Variants in SCNN1A observed in about 807,000 individuals in gnomAD.
The protein encoded by SCNN1A is sodium channel epithelial 1 subunit alpha.
SCNN1A carries 65 observed loss-of-function variants against 68.6 expected under a neutral mutation model. The observed-to-expected ratio is 0.95, with a 90% CI of 0.78 to 1.16. SCNN1A has a LOEUF of 1.16. SCNN1A is among the 50% of genes most tolerant of loss of function. The pLI, the probability that SCNN1A is intolerant of heterozygous loss-of-function variation, is 0.00. For synonymous variants in SCNN1A, 357 were observed against 353.3 expected (o/e 1.01, Z -0.12); for missense variants, 880 against 865.9 (o/e 1.02, Z -0.20).
In SCNN1A at chr12:6,363,686, C is replaced by A; in HGVS notation, c.441G>T (p.Leu147=). ...PYRYPEIKEE[L]EELDRITEQT... ...GCTCTGTGATGCGGTCCAGCTCCTC[C>A]AGCTCCTCTTTAATTTCCGGGTACC... Residue 147 remains leucine (L), a synonymous_variant, in exon 3 of 13, where the codon CTG becomes CTT. Coordinates refer to ENST00000228916, the MANE Select transcript of SCNN1A (RefSeq NM_001038.6). 3.1e-6 allele frequency: 5 copies of A among 1,601,550 alleles called. No homozygotes were observed. The highest frequency in any genetic ancestry group is 4.3e-6 in the Non-Finnish European group (5 of 1,173,130).
rs1054838501 is a variant in SCNN1A at position 6,347,453 on chromosome 12, C to T, written c.*420G>A. ...TGGAGAGCAGTGTGGCCAGGCCAGT[C>T]GGGGGCTGGCTTAAGCCGTCGCTGG... On this transcript the variant is annotated 3_prime_UTR_variant, in exon 13 of 13. Coordinates refer to ENST00000228916, the MANE Select transcript of SCNN1A (RefSeq NM_001038.6). 6.0e-5 allele frequency: 13 copies of T among 215,136 alleles called. No homozygotes were observed. Among genetic ancestry groups the T allele is most frequent in the Non-Finnish European group, 1.1e-4 (11 of 104,622 alleles). The allele number at this position is 215,136 out of a possible 1,614,324, so 13.3% of individuals were successfully genotyped here.
intron 6 of SCNN1A, 55 bp from the exon 7 acceptor site, chr12:6,354,903 C>G: frequency 7.1e-7 from 1 of 1,410,250 alleles, no homozygotes; most frequent in East Asian, 2.3e-5. Flanking sequence ...CCTCTGGGTT[C>G]TCTGCCTTCC....
At position 6,354,458 on chromosome 12, in the gene SCNN1A, T is replaced by TA. The variant is rs754323537; in HGVS notation, c.1339dup (p.Tyr447LeufsTer13). 7.4e-6 allele frequency: 12 copies of TA among 1,611,822 alleles called. No homozygotes were observed. In the South Asian group the frequency reaches 1.3e-4, roughly 18 times the overall value. On this transcript the variant is annotated frameshift_variant, in exon 8 of 13. Coordinates refer to ENST00000228916, the MANE Select transcript of SCNN1A (RefSeq NM_001038.6). LOFTEE classifies it high-confidence loss of function. ...CTCACCCCAGGAACTGTGCTTTCTGTAGTCACAGTACTCCACGTTCTGGGG... is the reference window on the plus strand; with the variant it reads ...CTCACCCCAGGAACTGTGCTTTCTGTAAGTCACAGTACTCCACGTTCTGGGG...
At chr12:6,375,729 A>C, upstream of SCNN1A, 1 of 1,423,012 alleles carries the variant, frequency 7.0e-7, no homozygotes, top group Non-Finnish European at 9.2e-7. Flanking sequence ...CTTTAGACGC[A>C]GACAGGCAAG....
Position 6,374,748 on chromosome 12 carries a change from G to A in SCNN1A, c.36C>T (p.Ser12=). 6.2e-7 allele frequency: 1 copy of A among 1,614,116 alleles called. No homozygotes were observed. Among genetic ancestry groups the A allele is most frequent in the South Asian group, 1.1e-5 (1 of 91,080 alleles). The stretch of plus-strand genomic sequence containing the variant: ...TGAGCCCTGGAGTGGACTGTGGAGG[G>A]CTAGAGTCCTGCTCCTCCAGCTTGT... ...EGNKLEEQDS[S]PPQSTPGLMK... is the part of the protein sequence containing the mutation. The change falls in exon 2 of 13, where the codon AGC becomes AGT. Residue 12 remains serine (S), a synonymous_variant. Transcript: ENST00000228916. This position sits in a 1 kb window ranked among gnomAD's most constrained non-coding sequence, Gnocchi z 6.2.
At position 6,363,604 on chromosome 12, in the gene SCNN1A, G is replaced by T; in HGVS notation, c.523C>A (p.Arg175Ser). The T allele has an allele frequency of 6.2e-7, 1 of 1,612,678 alleles. No homozygotes were observed. The highest frequency in any genetic ancestry group is 8.5e-7 in the Non-Finnish European group (1 of 1,179,400). ...GTCCCCCGCAGGTCGCGACGGCTGC[G>T]GGAGCCGGCCACGAGAGTGGTGAAG... is the stretch of plus-strand genomic sequence containing the variant. Reference protein sequence around the residue: ...SSFTTLVAGSRSRRDLRGTLP... With the variant: ...SSFTTLVAGSSSRRDLRGTLP... Residue 175 changes from arginine (R) to serine (S), a missense_variant, in exon 3 of 13, where the codon CGC becomes AGC. By Grantham distance (110) the Arg-to-Ser change is moderately radical (BLOSUM62 -1). This residue lies in a region of SCNN1A where 758 missense variants were observed against 721.8 expected (regional missense o/e 1.05). Coordinates refer to ENST00000228916, the MANE Select transcript of SCNN1A (RefSeq NM_001038.6).
chr12:6,354,995 T>G, intron 6 of SCNN1A, 147 bp from the exon 7 acceptor site: 1 of 785,008 alleles, frequency 1.3e-6, no homozygotes, highest in Non-Finnish European at 2.2e-6. Context: ...GCCACCCCCA[T>G]GCCCACCCAC....
At position 6,351,556 on chromosome 12, in the gene SCNN1A, G is replaced by A. The variant is rs1948386916; in HGVS notation, c.1361-2151C>T. Among the ~76,000 whole-genome samples, 3 of 151,800 alleles carry A rather than the reference G, an allele frequency of 2.0e-5. No homozygotes were observed. The highest frequency in any genetic ancestry group is 2.0e-4 in the Admixed American group (3 of 15,236). ...ACAGGAGAATTGCTTGAACCTGAGA[G>A]GCAGAGGTAGCAGTGAGCCAAGATC... On this transcript the variant is annotated intron_variant, in intron 8 of 12. Coordinates refer to ENST00000228916, the MANE Select transcript of SCNN1A (RefSeq NM_001038.6). The surrounding 1 kb of genome is among the most constrained non-coding windows in gnomAD (Gnocchi z 4.2).
Position 6,363,453 on chromosome 12 carries a change from C to T in SCNN1A, c.674G>A (p.Gly225Asp). ...CGCTGCGGGCCTCACCAGCTGGAAGCCGATCTTCCAGTCCTTCCAGTCCAC... is the reference window on the plus strand; with the variant it reads ...CGCTGCGGGCCTCACCAGCTGGAAGTCGATCTTCCAGTCCTTCCAGTCCAC... ...PQVDWKDWKI[G>D]FQLCNQNKSD... Residue 225 changes from glycine to aspartate, a missense_variant, in exon 3 of 13, where the codon GGC becomes GAC. Transcript: ENST00000228916. 6.3e-7 allele frequency: 1 copy of T among 1,589,992 alleles called. No homozygotes were observed. The highest frequency in any genetic ancestry group is 8.5e-7 in the Non-Finnish European group (1 of 1,170,134).
chr12:6,376,857 G>A (rs1948921919), upstream of SCNN1A, among the ~76,000 whole-genome samples: 1 of 152,202 alleles, frequency 6.6e-6, no homozygotes, highest in Admixed American at 6.5e-5. Flanking sequence ...AGCAGACAAA[G>A]GCCCAGCCTG....
intron 2 of SCNN1A, among the ~76,000 whole-genome samples, chr12:6,369,401 C>A (rs1948745476): frequency 6.6e-6 from 1 of 152,106 alleles, no homozygotes; most frequent in Non-Finnish European, 1.5e-5. Context: ...TGAGCCCCCC[C>A]ACTGAGCACA....
chr12:6,362,502 C>T (rs574090938), intron 3 of SCNN1A, among the ~76,000 whole-genome samples: 1 of 152,200 alleles, frequency 6.6e-6, no homozygotes, highest in East Asian at 1.9e-4. Flanking sequence ...TTTATACCTC[C>T]CCTGCCTAGG....
At chr12:6,371,911 C>G (rs1948801239) in intron 2 of SCNN1A, among the ~76,000 whole-genome samples, 1 of 152,158 alleles carries the variant, frequency 6.6e-6, no homozygotes, top group South Asian at 2.1e-4. Flanking sequence ...ATTCTCCTGC[C>G]TCAGCCTCCC....
chr12:6,352,203 TG>T (rs1380017359), intron 8 of SCNN1A, among the ~76,000 whole-genome samples: 1 of 152,086 alleles, frequency 6.6e-6, no homozygotes, highest in Non-Finnish European at 1.5e-5. Flanking sequence ...GTGAAATGTA[TG>T]GGATATAAAT....
At chr12:6,365,876 T>C (rs1469347915) in intron 2 of SCNN1A, among the ~76,000 whole-genome samples, 1 of 152,064 alleles carries the variant, frequency 6.6e-6, no homozygotes, top group East Asian at 1.9e-4. Flanking sequence ...TACATTTTTT[T>C]TTTTGAGACG....
chr12:6,360,899 G>C (rs371085030), intron 4 of SCNN1A, among the ~76,000 whole-genome samples: 19 of 152,344 alleles, frequency 1.2e-4, no homozygotes, highest in African/African-American at 4.3e-4. Context: ...GTAGTGGGGT[G>C]GGAAGAATCC....
chr12:6,362,242 C>T lies in SCNN1A; in HGVS notation c.685-1G>A. 1 of 1,614,026 alleles carries T rather than the reference C, an allele frequency of 6.2e-7. No individual in the cohort carries two copies. The highest frequency in any genetic ancestry group is 8.5e-7 in the Non-Finnish European group (1 of 1,179,862). On this transcript the variant is annotated splice_acceptor_variant, in intron 3 of 12. Transcript: ENST00000228916. LOFTEE classifies it high-confidence loss of function. Reference sequence around the variant, plus strand: ...AGCAGTCCGATTTGTTCTGGTTGCACTGGACACAGAGACTAGAGTCAGAGG... The same window carrying T: ...AGCAGTCCGATTTGTTCTGGTTGCATTGGACACAGAGACTAGAGTCAGAGG...
chr12:6,375,436 G>A, intron 1 of SCNN1A, 69 bp downstream of exon 1: 2 of 1,533,946 alleles, frequency 1.3e-6, no homozygotes, highest in East Asian at 2.4e-5. Context: ...CCCACTCCCA[G>A]GTTGCGGCTG....
chr12:6,368,780 T>G (rs1467542344), intron 2 of SCNN1A, among the ~76,000 whole-genome samples: 3 of 152,202 alleles, frequency 2.0e-5, no homozygotes, highest in African/African-American at 7.2e-5. Flanking sequence ...AGAACCTCTC[T>G]GAGATGTAGG....
Sources: gnomAD v4.1 joint callset for allele counts (sites outside exome capture counted in the v4.1 genomes callset) on GRCh38, gnomAD v4.1.1 for gene constraint, gnomAD v4.1.1 regional missense constraint, Gnocchi (gnomAD v3.1) non-coding constraint, MANE v1.5 for transcripts, NCBI Gene and HGNC (gene_info 2026-07-23, HGNC 2026-07-21) for gene names.